Variants in DNAAF1 observed in about 807,000 individuals in gnomAD.
The protein encoded by DNAAF1 is dynein assembly factor 1, axonemal.
DNAAF1 carries 65 observed loss-of-function variants against 71.1 expected under a neutral mutation model. The ratio of observed to expected loss-of-function variants is 0.91; its 90% CI spans 0.75 to 1.12. The LOEUF is 1.12. Ranked by LOEUF, DNAAF1 falls within the 50% of genes most tolerant of loss-of-function variation. DNAAF1 has a pLI of 0.00. For missense variants in DNAAF1, 1,178 were observed against 899.8 expected, an observed-to-expected ratio of 1.31 and a Z score of -3.96; for synonymous variants, 414 against 354.6, an observed-to-expected ratio of 1.17 and a Z score of -1.88.
chr16:84,145,686 A>G, intron 1 of DNAAF1, 122 bp downstream of exon 1: 2 of 1,273,588 alleles, frequency 1.6e-6, no homozygotes, highest in African/African-American at 3.0e-5. Context: ...TAATAATGGT[A>G]GCAAGCAACG....
intron 8 of DNAAF1, among the ~76,000 whole-genome samples, chr16:84,170,914 G>A (rs536584394): frequency 5.9e-5 from 9 of 152,020 alleles, no homozygotes; most frequent in South Asian, 4.2e-4. Flanking sequence ...TTAATTTAAC[G>A]CAATATATAA....
intron 3 of DNAAF1, among the ~76,000 whole-genome samples, chr16:84,150,568 C>T (rs1275777693): frequency 6.6e-6 from 1 of 151,486 alleles, no homozygotes; most frequent in Non-Finnish European, 1.5e-5. Flanking sequence ...CAAGGAAACA[C>T]ATTATCTTTC....
At position 84,170,484 on chromosome 16, in the gene DNAAF1, T is replaced by G. The variant is rs2088273111; in HGVS notation, c.1528+128T>G. 6 of 1,414,954 alleles carry G rather than the reference T, an allele frequency of 4.2e-6. No individual in the cohort carries two copies. The Admixed American group carries it at 1.2e-4, about 28-fold the overall frequency. 87.6% of individuals were successfully genotyped at this position (1,414,954 alleles called of 1,614,324 possible). A position where few individuals can be genotyped will look rare whatever the true frequency, so the allele number is the denominator to read the frequency against. Reference sequence around the variant, plus strand: ...CTGTATTGCTGTTTCTAGAAGATAATGGACACTAGTTATCTTGTTTTCTAG... The same window carrying G: ...CTGTATTGCTGTTTCTAGAAGATAAGGGACACTAGTTATCTTGTTTTCTAG... On this transcript the variant is annotated intron_variant, in intron 8 of 11. Coordinates refer to ENST00000378553, the MANE Select transcript of DNAAF1 (RefSeq NM_178452.6).
In DNAAF1 at chr16:84,170,097, G is replaced by C. The variant is rs774338362; in HGVS notation, c.1269G>C (p.Leu423=). ...EGTLPAETLL[L]SSPVEVKGED... The stretch of plus-strand genomic sequence containing the variant: ...CCCTCCCAGCTGAGACCCTGCTACT[G>C]TCGTCACCTGTGGAGGTTAAAGGAG... Residue 423 remains leucine (L), a synonymous_variant, in exon 8 of 12, where the codon CTG becomes CTC. Transcript: ENST00000378553. The C allele has an allele frequency of 9.5e-6, 15 of 1,583,416 alleles. No individual in the cohort carries two copies. Among genetic ancestry groups the C allele is most frequent in the African/African-American group, 4.1e-5 (3 of 73,904 alleles).
intron 3 of DNAAF1, among the ~76,000 whole-genome samples, chr16:84,152,751 C>T (rs1294784929): frequency 1.3e-5 from 2 of 150,720 alleles, no homozygotes; most frequent in South Asian, 4.2e-4. Context: ...GTAAGGAGTT[C>T]GAGACCAACC....
chr16:84,176,576 G>A, intron 11 of DNAAF1: 1 of 537,490 alleles, frequency 1.9e-6, no homozygotes, highest in Non-Finnish European at 3.4e-6. Context: ...TCCCCCTGTG[G>A]TCATGCAGAT....
chr16:84,172,593 G>A (rs899640658), intron 9 of DNAAF1: 24 of 1,375,242 alleles, frequency 1.7e-5, no homozygotes, highest in African/African-American at 2.9e-5. Context: ...TAGGTGATTC[G>A]TGCACATGCA....
At chr16:84,159,332 A>C in intron 5 of DNAAF1, 1 of 902,048 alleles carries the variant, frequency 1.1e-6, no homozygotes, top group Non-Finnish European at 1.4e-6. Context: ...TTAGGCAGAG[A>C]TTCATTTCAG....
intron 5 of DNAAF1, among the ~76,000 whole-genome samples, chr16:84,159,441 A>C (rs1204964331): frequency 3.3e-5 from 5 of 152,236 alleles, no homozygotes. Flanking sequence ...GATGAGATCT[A>C]AGATCTGAAG....
At chr16:84,148,920 G>C in intron 1 of DNAAF1, 87 bp from the exon 2 acceptor site, 1 of 1,473,204 alleles carries the variant, frequency 6.8e-7, no homozygotes, top group Non-Finnish European at 9.5e-7. Context: ...TATACTAAAA[G>C]TGGATGGTCA....
chr16:84,167,396 T>G (rs1216488415), intron 7 of DNAAF1, among the ~76,000 whole-genome samples: 1 of 152,046 alleles, frequency 6.6e-6, no homozygotes, highest in Non-Finnish European at 1.5e-5. Context: ...GCATGATGGA[T>G]GATTAGCTCC....
chr16:84,177,265 G>C (rs879591193), intron 11 of DNAAF1: 5 of 253,734 alleles, frequency 2.0e-5, no homozygotes, highest in African/African-American at 4.4e-5. Flanking sequence ...CCTGGAGGAC[G>C]TTGAATAATT....
chr16:84,150,697 C>A (rs2087143222), intron 3 of DNAAF1, among the ~76,000 whole-genome samples: 1 of 149,294 alleles, frequency 6.7e-6, no homozygotes, highest in Non-Finnish European at 1.5e-5. Context: ...CTCACTGCAA[C>A]CTCTGTCTCC....
At chr16:84,149,195 G>C in intron 2 of DNAAF1, 53 bp downstream of exon 2, 1 of 1,602,948 alleles carries the variant, frequency 6.2e-7, no homozygotes, top group Middle Eastern at 1.7e-4. Flanking sequence ...GGTAGATGGC[G>C]TAATCACCCC....
chr16:84,149,348 A>G (rs2087073611), intron 2 of DNAAF1, among the ~76,000 whole-genome samples: 1 of 152,192 alleles, frequency 6.6e-6, no homozygotes, highest in South Asian at 2.1e-4. Flanking sequence ...AGAGAGGAAC[A>G]GCAGTAGTTC....
At chr16:84,172,592 C>T (rs1449555692) in intron 9 of DNAAF1, 20 of 1,372,952 alleles carry the variant, frequency 1.5e-5, no homozygotes, top group African/African-American at 2.9e-5. Flanking sequence ...CTAGGTGATT[C>T]GTGCACATGC....
chr16:84,174,140 A>G lies in DNAAF1; in HGVS notation c.1645-529A>G, dbSNP rs2088528539. On this transcript the variant is annotated intron_variant, in intron 9 of 11. Coordinates refer to ENST00000378553, the MANE Select transcript of DNAAF1 (RefSeq NM_178452.6). ...GCTAGAAAATGGTGGTGGGGGAGTAACAACCTAGGCACCGTGGCTCCAGTT... is the reference window on the plus strand; with the variant it reads ...GCTAGAAAATGGTGGTGGGGGAGTAGCAACCTAGGCACCGTGGCTCCAGTT... 3.0e-6 allele frequency: 3 copies of G among 989,616 alleles called. No individual in the cohort carries two copies. The South Asian group carries it at 1.3e-4, about 43-fold the overall frequency. 61.3% of individuals were successfully genotyped at this position (989,616 alleles called of 1,614,324 possible). A position where few individuals can be genotyped will look rare whatever the true frequency, so the allele number is the denominator to read the frequency against.
intron 8 of DNAAF1, 97 bp downstream of exon 8, chr16:84,170,453 C>T (rs916037797): frequency 6.4e-7 from 1 of 1,571,560 alleles, no homozygotes; most frequent in Non-Finnish European, 8.7e-7. Flanking sequence ...CTGAGTTTCA[C>T]TTCTTCTGTA....
At chr16:84,175,640 C>G in intron 10 of DNAAF1, 1 of 439,522 alleles carries the variant, frequency 2.3e-6, no homozygotes, top group Non-Finnish European at 4.2e-6. Context: ...CAGGGGCATG[C>G]CAAGCAGAGC....
Sources: allele counts gnomAD v4.1 joint callset (sites outside exome capture counted in the v4.1 genomes callset), GRCh38; gene constraint gnomAD v4.1.1; transcripts MANE v1.5; gene names NCBI Gene and HGNC (gene_info 2026-07-23, HGNC 2026-07-21).